Variants in PCCA observed in about 807,000 individuals in gnomAD.
PCCA encodes propionyl-CoA carboxylase subunit alpha.
A neutral mutation model predicts 101.3 loss-of-function variants in PCCA; 74 were observed. The ratio of observed to expected loss-of-function variants is 0.73; its 90% CI spans 0.61 to 0.89. PCCA has a LOEUF of 0.89. Ranked by LOEUF, PCCA falls within the 40% of genes least tolerant of loss-of-function variation. The pLI is 0.00. For missense variants in PCCA, 891 were observed against 907.0 expected (o/e 0.98, Z 0.23); for synonymous variants, 294 against 313.6 (o/e 0.94, Z 0.66).
At chr13:100,435,391 A>G (rs2079855932) in intron 20 of PCCA, among the ~76,000 whole-genome samples, 1 of 152,196 alleles carries the variant, frequency 6.6e-6, no homozygotes, top group Non-Finnish European at 1.5e-5. Flanking sequence ...CATTTCAGCA[A>G]GAGATTTGGA....
At chr13:100,163,459 A>G (rs1045052683) in intron 6 of PCCA, among the ~76,000 whole-genome samples, 4 of 152,196 alleles carry the variant, frequency 2.6e-5, no homozygotes, top group African/African-American at 9.6e-5. Flanking sequence ...TATGTTGAAA[A>G]TACTGTGTGT....
chr13:100,293,280 T>C (rs941497182), intron 12 of PCCA: 12 of 471,328 alleles, frequency 2.5e-5, no homozygotes, highest in African/African-American at 2.4e-4. Flanking sequence ...TGAAATTCTG[T>C]GAAGGCTATA....
intron 18 of PCCA, among the ~76,000 whole-genome samples, chr13:100,347,927 T>C (rs2072533040): frequency 1.3e-5 from 2 of 151,816 alleles, no homozygotes; most frequent in South Asian, 4.2e-4. Context: ...TAACATTTAG[T>C]AAATATAGTG....
chr13:100,107,441 C>T (rs867234774), intron 2 of PCCA, among the ~76,000 whole-genome samples: 37 of 152,134 alleles, frequency 2.4e-4, no homozygotes, highest in African/African-American at 1.7e-4. Flanking sequence ...ACAGTCCCTG[C>T]GCTCTGGGAG....
At chr13:100,403,736 G>A (rs892111692) in intron 19 of PCCA, among the ~76,000 whole-genome samples, 1 of 152,106 alleles carries the variant, frequency 6.6e-6, no homozygotes, top group Non-Finnish European at 1.5e-5. Flanking sequence ...AAAAAAACGG[G>A]GGAACAGGGA....
At chr13:100,449,611 C>A (rs2152925980) in intron 21 of PCCA, among the ~76,000 whole-genome samples, 1 of 152,236 alleles carries the variant, frequency 6.6e-6, no homozygotes, top group East Asian at 1.9e-4. Flanking sequence ...CTCAGCCACC[C>A]AAATAGCTGG....
chr13:100,494,760 T>C (rs2085157249), intron 21 of PCCA, among the ~76,000 whole-genome samples: 1 of 152,156 alleles, frequency 6.6e-6, no homozygotes, highest in Non-Finnish European at 1.5e-5. Context: ...GTGAAGACTC[T>C]GCCCGGCCCG....
intron 18 of PCCA, among the ~76,000 whole-genome samples, chr13:100,341,979 A>ATATATATATATATATGTATG (rs966272516): frequency 1.1e-4 from 13 of 114,536 alleles, no homozygotes; most frequent in Admixed American, 6.1e-4. Flanking sequence ...ATATATATAT[A>ATATATATATATATATGTATG]TATGTATTTA....
At chr13:100,399,332 T>C (rs950535738) in intron 19 of PCCA, among the ~76,000 whole-genome samples, 2 of 152,194 alleles carry the variant, frequency 1.3e-5, no homozygotes, top group Admixed American at 6.5e-5. Flanking sequence ...ATTAAATTTT[T>C]CTTAGTTGTA....
chr13:100,208,800 T>C (rs535205133), intron 6 of PCCA, among the ~76,000 whole-genome samples: 1 of 152,334 alleles, frequency 6.6e-6, no homozygotes, highest in African/African-American at 2.4e-5. Context: ...TGCAAACATG[T>C]ACTTTCTTTT....
intron 4 of PCCA, among the ~76,000 whole-genome samples, chr13:100,125,739 T>C (rs893569431): frequency 3.3e-5 from 5 of 152,252 alleles, no homozygotes; most frequent in African/African-American, 4.8e-5. Context: ...GAAAAACTTA[T>C]TTTGCAGAAA....
chr13:100,354,303 GAGAA>G (rs1661898575), intron 18 of PCCA, among the ~76,000 whole-genome samples: 2 of 126,496 alleles, frequency 1.6e-5, no homozygotes, highest in African/African-American at 2.8e-5. Flanking sequence ...GAGAGAGAGA[GAGAA>G]AGAAAGGGAG....
At chr13:100,127,785 G>A (rs747718422) in intron 4 of PCCA, among the ~76,000 whole-genome samples, 3 of 152,220 alleles carry the variant, frequency 2.0e-5, no homozygotes, top group East Asian at 1.9e-4. Flanking sequence ...CCAGCTTCTC[G>A]GGAGGCTGAG....
At chr13:100,513,330 C>A (rs1339700444) in intron 21 of PCCA, among the ~76,000 whole-genome samples, 2 of 152,186 alleles carry the variant, frequency 1.3e-5, no homozygotes, top group African/African-American at 4.8e-5. Flanking sequence ...CTTGCTATTA[C>A]AATAAGTCAC....
intron 8 of PCCA, among the ~76,000 whole-genome samples, chr13:100,249,230 A>G (rs922472527): frequency 1.3e-5 from 2 of 152,222 alleles, no homozygotes; most frequent in African/African-American, 4.8e-5. Context: ...TAGTTCTGCA[A>G]TGTATATTTA....
chr13:100,115,641 C>A (rs909829861), intron 4 of PCCA, among the ~76,000 whole-genome samples: 5 of 152,146 alleles, frequency 3.3e-5, no homozygotes, highest in African/African-American at 1.2e-4. Context: ...AGATGCAGTA[C>A]ATTACCGACC....
intron 4 of PCCA, among the ~76,000 whole-genome samples, chr13:100,132,858 C>G (rs1431278597): frequency 6.6e-6 from 1 of 152,092 alleles, no homozygotes; most frequent in African/African-American, 2.4e-5. Context: ...ACTGCAACCT[C>G]CACCTCCCGG....
At chr13:100,525,052 AGATAG>A (rs976840069) in intron 22 of PCCA, among the ~76,000 whole-genome samples, 2 of 151,270 alleles carry the variant, frequency 1.3e-5, no homozygotes, top group African/African-American at 4.9e-5. Context: ...CAGATAAGAT[AGATAG>A]GATAGAGCTA....
rs528230344 is a variant in PCCA at position 100,349,443 on chromosome 13, C to T, written c.1643+9184C>T. On this transcript the variant is annotated intron_variant, in intron 18 of 23. Transcript: ENST00000376285. ...TGCCTGGCCTAATTTTTGTATTTTT[C>T]GTAGAGACTGGGTTTTGCCCTGCTG... Among the ~76,000 whole-genome samples, 21 of 151,190 alleles carry T rather than the reference C, an allele frequency of 1.4e-4. 2 individuals are homozygous for T. In the South Asian group the frequency reaches 4.2e-3, roughly 30 times the overall value.
Sources: gnomAD v4.1 joint callset for allele counts (sites outside exome capture counted in the v4.1 genomes callset) on GRCh38, gnomAD v4.1.1 for gene constraint, MANE v1.5 for transcripts, NCBI Gene and HGNC (gene_info 2026-07-23, HGNC 2026-07-21) for gene names.